The following FBXW2 variants were observed in gnomAD, a reference collection of about 807,000 sequenced individuals.
The protein encoded by FBXW2 is F-box/WD repeat-containing protein 2.
Under a neutral mutation model 46.0 loss-of-function variants are expected in FBXW2, and 12 were observed. The ratio of observed to expected loss-of-function variants is 0.26; its 90% CI spans 0.17 to 0.42. The LOEUF (loss-of-function observed/expected upper bound fraction) is 0.42. FBXW2 is among the 10% of genes least tolerant of loss of function. The pLI is 1.00. For missense variants in FBXW2, 360 were observed against 537.0 expected (o/e 0.67, Z 3.26); for synonymous variants, 203 against 209.6 (o/e 0.97, Z 0.27).
chr9:120,778,180 A>G (rs1389959817), intron 4 of FBXW2, among the ~76,000 whole-genome samples, 171 bp downstream of exon 4: 5 of 152,116 alleles, frequency 3.3e-5, no homozygotes, highest in African/African-American at 1.2e-4. Context: ...AAAACTGGGT[A>G]AAACATTCGA....
intron 7 of FBXW2, among the ~76,000 whole-genome samples, chr9:120,769,436 T>G (rs963126285): frequency 6.6e-6 from 1 of 152,230 alleles, no homozygotes; most frequent in Non-Finnish European, 1.5e-5. Context: ...CTCTAGAGTC[T>G]CTATATGCCA....
Position 120,771,505 on chromosome 9 carries a change from C to T in FBXW2, c.919G>A (p.Gly307Arg). 1 of 1,610,830 alleles carries T rather than the reference C, an allele frequency of 6.2e-7. No individual in the cohort carries two copies. Among genetic ancestry groups the T allele is most frequent in the Admixed American group, 1.7e-5 (1 of 59,162 alleles). The change falls in exon 7 of 8, where the codon GGG becomes AGG. Residue 307 changes from glycine (G) to arginine (R), a missense_variant. Physicochemically the swap from Gly to Arg is moderately radical, Grantham distance 125. Coordinates refer to ENST00000608872, the MANE Select transcript of FBXW2 (RefSeq NM_012164.4). ...AAGCACTTACAGTTGATTTCTCTCCCAATTGGCCAAATCTACAGAAAAAAG... is the reference window on the plus strand; with the variant it reads ...AAGCACTTACAGTTGATTTCTCTCCTAATTGGCCAAATCTACAGAAAAAAG... Reference protein sequence around the residue: ...DKYEIKIWPIGREINCKCLKT... With the variant: ...DKYEIKIWPIRREINCKCLKT...
rs553780338 is a variant in FBXW2 at position 120,788,508 on chromosome 9, A to G, written c.-20-230T>C. ...CTTTAACAAATCATGAATCCAAAAC[A>G]TGTCAGTGAAACAGACTGGCGTGTG... On this transcript the variant is annotated intron_variant, in intron 2 of 7. Transcript: ENST00000608872. Among the ~76,000 whole-genome samples, 4 of 152,364 alleles carry G rather than the reference A, an allele frequency of 2.6e-5. No homozygotes were observed. The South Asian group carries it at 8.3e-4, about 32-fold the overall frequency.
In FBXW2 at chr9:120,788,103, G is replaced by C. The variant is rs368503847; in HGVS notation, c.156C>G (p.Leu52=). The change falls in exon 3 of 8, where the codon CTC becomes CTG. Residue 52 remains leucine (L), a synonymous_variant. Transcript: ENST00000608872. ...RHLSNNLETL[L]KRDFLKLLPL... The stretch of plus-strand genomic sequence containing the variant: ...GAAGGAGTTTGAGGAAGTCCCGCTT[G>C]AGGAGAGTCTCTAGGTTATTGGAGA... 1.9e-6 allele frequency: 3 copies of C among 1,614,210 alleles called. No homozygotes were observed. Among genetic ancestry groups the C allele is most frequent in the Non-Finnish European group, 2.5e-6 (3 of 1,180,030 alleles).
intron 3 of FBXW2, among the ~76,000 whole-genome samples, chr9:120,785,151 G>A (rs1340401246): frequency 6.6e-6 from 1 of 151,684 alleles, no homozygotes; most frequent in Non-Finnish European, 1.5e-5. Flanking sequence ...TGGGACCACA[G>A]GTGTGAGCCA....
chr9:120,788,628 A>G (rs2044770931), intron 2 of FBXW2, among the ~76,000 whole-genome samples: 1 of 152,206 alleles, frequency 6.6e-6, no homozygotes, highest in Admixed American at 6.5e-5. Context: ...ATTTTACAAT[A>G]CACCCTTCCC....
intron 7 of FBXW2, among the ~76,000 whole-genome samples, chr9:120,767,357 A>G (rs948219382): frequency 6.6e-6 from 1 of 152,232 alleles, no homozygotes; most frequent in Non-Finnish European, 1.5e-5. Context: ...TAAAAGAGGT[A>G]GACATTTAGA....
chr9:120,793,015 G>A (rs892302839), intron 2 of FBXW2, 134 bp downstream of exon 2: 2 of 1,482,220 alleles, frequency 1.3e-6, no homozygotes, highest in Middle Eastern at 1.7e-4. Context: ...TCATTTCGCA[G>A]CTAAGGAAAT....
chr9:120,782,060 A>G (rs2044627104), intron 3 of FBXW2, among the ~76,000 whole-genome samples: 1 of 151,484 alleles, frequency 6.6e-6, no homozygotes, highest in Non-Finnish European at 1.5e-5. Flanking sequence ...CTGAGATGTT[A>G]TGATATGGAA....
rs1222367675 is a variant in FBXW2, at chr9:120,787,923, A to G, written c.336T>C (p.Ser112=). The change falls in exon 3 of 8, where the codon TCT becomes TCC. Residue 112 remains serine, a synonymous_variant. Transcript: ENST00000608872. ...CKNLGWQIDD[S]VQDALHWKKV... ...TCTTCCAGTGCAAAGCGTCCTGAAC[A>G]GAATCATCTATCTGCCAGCCCAAAT... is the stretch of plus-strand genomic sequence containing the variant. The G allele has an allele frequency of 6.2e-7, 1 of 1,614,140 alleles. No individual in the cohort carries two copies. The highest frequency in any genetic ancestry group is 2.2e-5 in the East Asian group (1 of 44,906).
chr9:120,781,689 C>T (rs1181734471), intron 3 of FBXW2, among the ~76,000 whole-genome samples: 1 of 151,376 alleles, frequency 6.6e-6, no homozygotes, highest in Non-Finnish European at 1.5e-5. Flanking sequence ...CACACACACA[C>T]ATATATACAT....
chr9:120,769,831 A>G (rs2044339216), intron 7 of FBXW2, among the ~76,000 whole-genome samples: 1 of 152,212 alleles, frequency 6.6e-6, no homozygotes, highest in African/African-American at 2.4e-5. Flanking sequence ...CAGTTTCCCT[A>G]CCTACAAGAG....
chr9:120,785,442 A>G (rs1178316182), intron 3 of FBXW2, among the ~76,000 whole-genome samples: 1 of 152,236 alleles, frequency 6.6e-6, no homozygotes, highest in Admixed American at 6.5e-5. Flanking sequence ...AACACAAGGA[A>G]AATAAAGTGT....
intron 5 of FBXW2, among the ~76,000 whole-genome samples, chr9:120,775,312 G>A (rs553672088): frequency 6.6e-6 from 1 of 152,278 alleles, no homozygotes; most frequent in African/African-American, 2.4e-5. Context: ...CCAAAGTGCT[G>A]GGATTACACA....
In FBXW2 at chr9:120,787,904, A is replaced by T. The variant is rs1434754271; in HGVS notation, c.355T>A (p.Trp119Arg). 1.9e-6 allele frequency: 3 copies of T among 1,614,110 alleles called. No individual in the cohort carries two copies. The highest frequency in any genetic ancestry group is 2.5e-6 in the Non-Finnish European group (3 of 1,180,040). Residue 119 changes from tryptophan to arginine, a missense_variant, in exon 3 of 8, where the codon TGG (tryptophan) becomes AGG (arginine). Physicochemically the swap from Trp to Arg is moderately radical, Grantham distance 101 (BLOSUM62 -3). Coordinates refer to ENST00000608872, the MANE Select transcript of FBXW2 (RefSeq NM_012164.4). The stretch of plus-strand genomic sequence containing the variant: ...ATAGCCTTCAAATAAACCTTCTTCC[A>T]GTGCAAAGCGTCCTGAACAGAATCA... ...IDDSVQDALHWKKVYLKAILR... is the reference protein window; with the variant it reads ...IDDSVQDALHRKKVYLKAILR...
intron 3 of FBXW2, among the ~76,000 whole-genome samples, chr9:120,784,892 G>A (rs2044687903): frequency 6.8e-6 from 1 of 147,518 alleles, no homozygotes; most frequent in Non-Finnish European, 1.5e-5. Flanking sequence ...CTGCACTCTA[G>A]CCCGGGTGAC....
chr9:120,789,087 A>G (rs547132995), intron 2 of FBXW2, among the ~76,000 whole-genome samples: 1 of 152,226 alleles, frequency 6.6e-6, no homozygotes, highest in South Asian at 2.1e-4. Context: ...TGATGTTTAT[A>G]AAACACCAGA....
In FBXW2 at chr9:120,765,347, G is replaced by A. The variant is rs377173342; in HGVS notation, c.1077-500C>T. 2.7e-3 allele frequency among the ~76,000 whole-genome samples: 416 copies of A among 152,212 alleles called. 1 individual carries two copies. Among genetic ancestry groups the A allele is most frequent in the Middle Eastern group, 3.4e-3 (1 of 294 alleles). Reference sequence around the variant, plus strand: ...TGACCTCAGATGATCTGCCCACCTCGGCCTCCCAAAGTGCTGGGATTACAG... The same window carrying A: ...TGACCTCAGATGATCTGCCCACCTCAGCCTCCCAAAGTGCTGGGATTACAG... On this transcript the variant is annotated intron_variant, in intron 7 of 7. Transcript: ENST00000608872.
Position 120,759,285 on chromosome 9 carries a change from G to A in FBXW2, c.*5274C>T, listed in dbSNP as rs991389239. 6.6e-6 allele frequency: 1 copy of A among 152,200 alleles called. No homozygotes were observed. Among genetic ancestry groups the A allele is most frequent in the African/African-American group, 2.4e-5 (1 of 41,442 alleles). The allele number at this position is 152,200 out of a possible 1,614,324, so 9.4% of individuals were successfully genotyped here. A position where few individuals can be genotyped will look rare whatever the true frequency, so the allele number is the denominator to read the frequency against. On this transcript the variant is annotated 3_prime_UTR_variant, in exon 8 of 8. Coordinates refer to ENST00000608872, the MANE Select transcript of FBXW2 (RefSeq NM_012164.4). Reference sequence around the variant, plus strand: ...CAAATTTGCCTAATTGAGGGAATCTGCTTTAATGTACAGATATAAATGATT... The same window carrying A: ...CAAATTTGCCTAATTGAGGGAATCTACTTTAATGTACAGATATAAATGATT...
Sources: allele counts gnomAD v4.1 joint callset (sites outside exome capture counted in the v4.1 genomes callset), GRCh38; gene constraint gnomAD v4.1.1; transcripts MANE v1.5; gene names NCBI Gene and HGNC (gene_info 2026-07-23, HGNC 2026-07-21).